The following ACAP2 variants were observed in gnomAD, a reference collection of about 807,000 sequenced individuals.
ACAP2 encodes ArfGAP with coiled-coil, ankyrin repeat and PH domains 2.
A neutral mutation model predicts 115.8 loss-of-function variants in ACAP2; 39 were observed. That is an observed-to-expected ratio of 0.34 (90% CI 0.26 to 0.44). The LOEUF is 0.44. Ranked by LOEUF, ACAP2 falls within the 20% of genes least tolerant of loss-of-function variation. The probability of loss-of-function intolerance (pLI) is 1.00; values close to 1 mark genes in which losing one functional copy is unlikely to be tolerated. For synonymous variants in ACAP2, 289 were observed against 315.8 expected (o/e 0.92, Z 0.90); for missense variants, 662 against 927.6 (o/e 0.71, Z 3.72).
In ACAP2 at chr3:195,313,913, G is replaced by T. The variant is rs969645740; in HGVS notation, c.858-5076C>A. 8.5e-5 allele frequency among the ~76,000 whole-genome samples: 13 copies of T among 152,160 alleles called. No homozygotes were observed. The East Asian group carries it at 2.5e-3, about 29-fold the overall frequency. ...CACACTGAGAAAATGACCCAACAAAGAAAGATTATTGTGGTGACTTCACTT... is the reference window on the plus strand; with the variant it reads ...CACACTGAGAAAATGACCCAACAAATAAAGATTATTGTGGTGACTTCACTT... On this transcript the variant is annotated intron_variant, in intron 10 of 22. Transcript: ENST00000326793.
intron 18 of ACAP2, among the ~76,000 whole-genome samples, chr3:195,292,790 C>T (rs867041255): frequency 6.6e-6 from 1 of 151,724 alleles, no homozygotes; most frequent in Non-Finnish European, 1.5e-5. Context: ...GGCATGGTAG[C>T]GGGCACCTGT....
chr3:195,409,486 T>C (rs922378027), intron 1 of ACAP2, among the ~76,000 whole-genome samples: 16 of 152,202 alleles, frequency 1.1e-4, no homozygotes, highest in Admixed American at 2.6e-4. Context: ...TGTTAATGAA[T>C]TGGAAGACTT....
chr3:195,322,386 A>C, intron 9 of ACAP2, among the ~76,000 whole-genome samples: 1 of 152,182 alleles, frequency 6.6e-6, no homozygotes, highest in Admixed American at 6.5e-5. Flanking sequence ...GAGGGAAGGC[A>C]GAGGGACAAC....
rs111718284 is a variant in ACAP2, at chr3:195,355,083, C to G, written c.286-9766G>C. ...TTCGCCATGTTGGACAGCCTGATCT[C>G]GAACTCCTGACCTCAGCCTCCCAAA... On this transcript the variant is annotated intron_variant, in intron 4 of 22. Coordinates refer to ENST00000326793, the MANE Select transcript of ACAP2 (RefSeq NM_012287.6). Among the ~76,000 whole-genome samples the G allele has an allele frequency of 2.4e-4, 36 of 152,200 alleles. 1 individual carries two copies. Among genetic ancestry groups the G allele is most frequent in the African/African-American group, 8.7e-4 (36 of 41,530 alleles).
At chr3:195,340,435 T>C (rs924983301) in intron 6 of ACAP2, among the ~76,000 whole-genome samples, 11 of 151,878 alleles carry the variant, frequency 7.2e-5, no homozygotes, top group Non-Finnish European at 1.3e-4. Context: ...CTACCTATAA[T>C]AACAGGTGGT....
At chr3:195,365,985 G>A (rs1211575858) in intron 4 of ACAP2, among the ~76,000 whole-genome samples, 2 of 152,000 alleles carry the variant, frequency 1.3e-5, no homozygotes, top group Non-Finnish European at 2.9e-5. Context: ...GGGATTACAG[G>A]CACGCGCCAC....
chr3:195,291,573 G>A (rs926374634), intron 20 of ACAP2, 133 bp downstream of exon 20: 76 of 575,062 alleles, frequency 1.3e-4, no homozygotes, highest in East Asian at 5.9e-4. Context: ...AAATTCCATC[G>A]TGACAAAATA....
chr3:195,287,287 C>T (rs1726907198), intron 21 of ACAP2, among the ~76,000 whole-genome samples: 2 of 152,196 alleles, frequency 1.3e-5, no homozygotes, highest in African/African-American at 4.8e-5. Flanking sequence ...CTACTTTGAT[C>T]TGAGATGTAA....
Position 195,381,311 on chromosome 3 carries a change from T to C in ACAP2, c.232-249A>G, listed in dbSNP as rs114802269. Among the ~76,000 whole-genome samples, 273 of 152,272 alleles carry C rather than the reference T, an allele frequency of 1.8e-3. 1 individual carries two copies. Among genetic ancestry groups the C allele is most frequent in the African/African-American group, 6.2e-3 (259 of 41,554 alleles). On this transcript the variant is annotated intron_variant, in intron 3 of 22. Transcript: ENST00000326793. ...CCCTTCAACGGTATTATGCTAACAA[T>C]AGAAATGGTAAATATAAACCTAAGG...
At chr3:195,373,667 C>A (rs1733326588) in intron 4 of ACAP2, among the ~76,000 whole-genome samples, 1 of 152,162 alleles carries the variant, frequency 6.6e-6, no homozygotes, top group Admixed American at 6.5e-5. Context: ...CAGTGGCTCA[C>A]ACCTGTAATC....
At chr3:195,309,470 C>T (rs1455719451) in intron 10 of ACAP2, among the ~76,000 whole-genome samples, 5 of 150,874 alleles carry the variant, frequency 3.3e-5, no homozygotes, top group African/African-American at 7.3e-5. Context: ...CACTTGAACC[C>T]GGGAGGCAGA....
intron 9 of ACAP2, chr3:195,325,441 T>TA (rs768608405): frequency 4.8e-6 from 2 of 414,458 alleles, no homozygotes; most frequent in African/African-American, 2.2e-5. Context: ...TTTTTTTTTT[T>TA]ACCTGTAACG....
intron 1 of ACAP2, among the ~76,000 whole-genome samples, chr3:195,395,154 C>G (rs1297793242): frequency 6.6e-6 from 1 of 152,022 alleles, no homozygotes; most frequent in Non-Finnish European, 1.5e-5. Context: ...TCTCTGCAAT[C>G]CTCCCCAATT....
rs1315160786 is a variant in ACAP2, at chr3:195,289,201, G to A, written c.2094C>T (p.Ala698=). 5 of 1,612,882 alleles carry A rather than the reference G, an allele frequency of 3.1e-6. No individual in the cohort carries two copies. Among genetic ancestry groups the A allele is most frequent in the East Asian group, 4.5e-5 (2 of 44,786 alleles). ...CTTCTTCATCAGTGGCATGTTGATT[G>A]GCACCTCGTTTTAGGAATAAACATA... ...GQVCLFLKRG[A]NQHATDEEGK... is the part of the protein sequence containing the mutation. The change falls in exon 21 of 23, where the codon GCC becomes GCT. Residue 698 remains alanine, a synonymous_variant. Coordinates refer to ENST00000326793, the MANE Select transcript of ACAP2 (RefSeq NM_012287.6).
At position 195,307,235 on chromosome 3, in the gene ACAP2, A is replaced by G. The variant is rs2108985488; in HGVS notation, c.998T>C (p.Val333Ala). The stretch of plus-strand genomic sequence containing the variant: ...TAGAACCACTTACTTTGTTGGCGAG[A>G]CCACCTCAAAGCAGAATCGTCGCTC... ...DIERRFCFEV[V>A]SPTKSCMLQA... The change falls in exon 12 of 23, where the codon GTC becomes GCC. Residue 333 changes from valine (V) to alanine (A), a missense_variant. Coordinates refer to ENST00000326793, the MANE Select transcript of ACAP2 (RefSeq NM_012287.6). 1 of 1,612,956 alleles carries G rather than the reference A, an allele frequency of 6.2e-7. No homozygotes were observed. The highest frequency in any genetic ancestry group is 2.2e-5 in the East Asian group (1 of 44,784).
At chr3:195,326,985 G>T in intron 8 of ACAP2, 26 bp from the exon 9 acceptor site, 1 of 1,594,704 alleles carries the variant, frequency 6.3e-7, no homozygotes, top group Non-Finnish European at 8.6e-7. Flanking sequence ...AGAGAAAACT[G>T]CAGACTTAAA....
intron 16 of ACAP2, among the ~76,000 whole-genome samples, chr3:195,296,899 T>C (rs1727688625): frequency 6.6e-6 from 1 of 152,176 alleles, no homozygotes; most frequent in Non-Finnish European, 1.5e-5. Context: ...TTTTGAATGC[T>C]ACCATGGACA....
At position 195,292,909 on chromosome 3, in the gene ACAP2, G is replaced by A. The variant is rs186647400; in HGVS notation, c.1766-457C>T. Among the ~76,000 whole-genome samples, 331 of 106,782 alleles carry A rather than the reference G, an allele frequency of 3.1e-3. 4 individuals carry two copies. Among genetic ancestry groups the A allele is most frequent in the African/African-American group, 0.011 (295 of 27,218 alleles). 70.1% of individuals were successfully genotyped at this position (106,782 alleles called of 152,430 possible). ...TGCACTCCAGCCTGAGCAATAGAGC[G>A]AGACTCAGTCTCAAAAAAAAAAAAA... On this transcript the variant is annotated intron_variant, in intron 18 of 22. Transcript: ENST00000326793.
intron 4 of ACAP2, among the ~76,000 whole-genome samples, chr3:195,352,858 A>G (rs541982720): frequency 1.4e-4 from 21 of 152,210 alleles, no homozygotes; most frequent in Non-Finnish European, 2.6e-4. Context: ...AGGCGGGCAG[A>G]TCACTTGAGG....
Sources: gnomAD v4.1 joint callset for allele counts (sites outside exome capture counted in the v4.1 genomes callset) on GRCh38, gnomAD v4.1.1 for gene constraint, MANE v1.5 for transcripts, NCBI Gene and HGNC (gene_info 2026-07-23, HGNC 2026-07-21) for gene names.